Variants in VPS13B observed in about 807,000 individuals in gnomAD.
VPS13B encodes the protein vacuolar protein sorting 13 homolog B, also known as intermembrane lipid transfer protein VPS13B.
A neutral mutation model predicts 426.4 loss-of-function variants in VPS13B; 285 were observed. The observed-to-expected ratio is 0.67, with a 90% CI of 0.61 to 0.74. The LOEUF (loss-of-function observed/expected upper bound fraction) is 0.74, where lower values mean the gene tolerates loss of function less well. Ranked by LOEUF, VPS13B falls within the 30% of genes least tolerant of loss-of-function variation. The probability of loss-of-function intolerance (pLI) is 0.00; values close to 1 mark genes in which losing one functional copy is unlikely to be tolerated. For missense variants in VPS13B, 4,537 were observed against 4,782.6 expected (o/e 0.95, Z 1.51); for synonymous variants, 1,676 against 1,676.4 (o/e 1.00, Z 0.01).
chr8:99,696,728 A>C (rs1832020835), intron 35 of VPS13B: 1 of 994,758 alleles, frequency 1.0e-6, no homozygotes, highest in Non-Finnish European at 1.6e-6. Flanking sequence ...GTTTTCCCAG[A>C]AGATCCGGGG....
At chr8:99,192,391 A>G (rs549314393) in intron 16 of VPS13B, among the ~76,000 whole-genome samples, 1 of 152,310 alleles carries the variant, frequency 6.6e-6, no homozygotes, top group Admixed American at 6.5e-5. Context: ...TCCTCTTTTT[A>G]GTAGTATGAC....
intron 39 of VPS13B, among the ~76,000 whole-genome samples, chr8:99,761,955 A>G (rs1388069153): frequency 6.6e-6 from 1 of 152,150 alleles, no homozygotes; most frequent in Non-Finnish European, 1.5e-5. Flanking sequence ...ATATCATTAA[A>G]TTATTAATAT....
chr8:99,179,471 A>T (rs1812826594), intron 16 of VPS13B, among the ~76,000 whole-genome samples: 1 of 151,872 alleles, frequency 6.6e-6, no homozygotes, highest in Admixed American at 6.6e-5. Flanking sequence ...GCTTTTAAAA[A>T]TTTTCTCTCC....
intron 43 of VPS13B, among the ~76,000 whole-genome samples, chr8:99,808,385 G>C (rs1380449719): frequency 6.6e-6 from 1 of 151,606 alleles, no homozygotes; most frequent in East Asian, 1.9e-4. Flanking sequence ...AGTCGTGGTG[G>C]CACACCTGTA....
intron 35 of VPS13B, 132 bp downstream of exon 35, chr8:99,661,623 C>A: frequency 9.2e-7 from 1 of 1,088,592 alleles, no homozygotes; most frequent in South Asian, 1.5e-5. Flanking sequence ...GAGGTGTATG[C>A]TTTTCAGGCT....
rs778256097 is a variant in VPS13B, at chr8:99,821,399, G to C, written c.9100G>C (p.Gly3034Arg). The C allele has an allele frequency of 6.2e-7, 1 of 1,613,732 alleles. No homozygotes were observed. The highest frequency in any genetic ancestry group is 1.3e-5 in the African/African-American group (1 of 74,894). The stretch of plus-strand genomic sequence containing the variant: ...GACATCTCCAAAGTGGAAAGATGGA[G>C]GTAATGGTGAAGTTGTGACACTGGA... ...NLTSPKWKDGGNGEVVTLDEE... is the reference protein window; with the variant it reads ...NLTSPKWKDGRNGEVVTLDEE... Residue 3034 changes from glycine (G) to arginine (R), a missense_variant, in exon 50 of 62, where the codon GGT becomes CGT. By Grantham distance (125) the Gly-to-Arg change is moderately radical (BLOSUM62 -2). Transcript: ENST00000357162.
At chr8:99,461,423 T>C (rs980854944) in intron 23 of VPS13B, among the ~76,000 whole-genome samples, 1 of 152,186 alleles carries the variant, frequency 6.6e-6, no homozygotes, top group African/African-American at 2.4e-5. Context: ...ACATCTGAGC[T>C]TTTCTTCTTA....
chr8:99,830,013 C>G (rs1438550182), intron 51 of VPS13B, among the ~76,000 whole-genome samples: 1 of 152,216 alleles, frequency 6.6e-6, no homozygotes, highest in East Asian at 1.9e-4. Context: ...AGTTGGAGCT[C>G]TCCTGTATGA....
At chr8:99,257,232 A>G (rs144846298) in intron 17 of VPS13B, among the ~76,000 whole-genome samples, 1 of 152,308 alleles carries the variant, frequency 6.6e-6, no homozygotes, top group East Asian at 1.9e-4. Flanking sequence ...CCTAAACTTA[A>G]GTGAGAAACA....
At chr8:99,583,910 G>T (rs1342137219) in intron 33 of VPS13B, among the ~76,000 whole-genome samples, 1 of 152,110 alleles carries the variant, frequency 6.6e-6, no homozygotes, top group African/African-American at 2.4e-5. Flanking sequence ...GAAAAAGCCA[G>T]ATCAGAGGCT....
At position 99,467,512 on chromosome 8, in the gene VPS13B, A is replaced by T; in HGVS notation, c.3544A>T (p.Thr1182Ser). 6.2e-7 allele frequency: 1 copy of T among 1,613,430 alleles called. No individual in the cohort carries two copies. Among genetic ancestry groups the T allele is most frequent in the Non-Finnish European group, 8.5e-7 (1 of 1,179,730 alleles). ...TTGCCTAGTGGAACCTATGGGTTGC[A>T]CCTCCACTCTAGCTGTCACGTCTCA... ...TLCLVEPMGC[T>S]STLAVTSQKL... The change falls in exon 24 of 62, where the codon ACC becomes TCC. Residue 1182 changes from threonine to serine, a missense_variant. Physicochemically the swap from Thr to Ser is moderately conservative, Grantham distance 58. Coordinates refer to ENST00000357162, the MANE Select transcript of VPS13B (RefSeq NM_152564.5).
chr8:99,625,575 C>T (rs1382442082), intron 33 of VPS13B, among the ~76,000 whole-genome samples: 1 of 151,700 alleles, frequency 6.6e-6, no homozygotes, highest in African/African-American at 2.4e-5. Flanking sequence ...AAACAATAGA[C>T]CAGGCACAAT....
intron 23 of VPS13B, among the ~76,000 whole-genome samples, chr8:99,443,414 A>G (rs1454519444): frequency 6.6e-6 from 1 of 152,028 alleles, no homozygotes; most frequent in Non-Finnish European, 1.5e-5. Context: ...TTTGATGTTG[A>G]TTTCTCTCTC....
intron 51 of VPS13B, among the ~76,000 whole-genome samples, chr8:99,831,076 C>CTTTTTTTCTTTT (rs1815019411): frequency 8.3e-6 from 1 of 120,084 alleles, no homozygotes; most frequent in African/African-American, 3.2e-5. Context: ...GTGTTTTTTT[C>CTTTTTTTCTTTT]TTTTTTTTTT....
chr8:99,136,202 T>C (rs1810061519), intron 11 of VPS13B, among the ~76,000 whole-genome samples: 2 of 152,122 alleles, frequency 1.3e-5, no homozygotes, highest in Non-Finnish European at 2.9e-5. Context: ...TTTTACTCTT[T>C]TTTTATCAAG....
At chr8:99,783,136 C>T (rs1177268441) in intron 42 of VPS13B, among the ~76,000 whole-genome samples, 4 of 152,158 alleles carry the variant, frequency 2.6e-5, no homozygotes, top group Non-Finnish European at 4.4e-5. Context: ...CAAGTCTGGT[C>T]ATGGCCCAGG....
In VPS13B at chr8:99,458,496, T is replaced by C. The variant is rs569369625; in HGVS notation, c.3446-8918T>C. ...CTTGATCCCTGAGGAATCGCCACACTGACTTCCACAATGGTTGAACTAGTT... is the reference window on the plus strand; with the variant it reads ...CTTGATCCCTGAGGAATCGCCACACCGACTTCCACAATGGTTGAACTAGTT... On this transcript the variant is annotated intron_variant, in intron 23 of 61. Transcript: ENST00000357162. Among the ~76,000 whole-genome samples, 6 of 152,280 alleles carry C rather than the reference T, an allele frequency of 3.9e-5. 1 individual carries two copies. Among genetic ancestry groups the C allele is most frequent in the East Asian group, 3.9e-4 (2 of 5,180 alleles).
At chr8:99,596,680 C>T (rs1253752922) in intron 33 of VPS13B, among the ~76,000 whole-genome samples, 1 of 152,036 alleles carries the variant, frequency 6.6e-6, no homozygotes, top group Non-Finnish European at 1.5e-5. Flanking sequence ...CAGTTATGCT[C>T]ACATTCCATT....
At chr8:99,582,594 T>C (rs1826116915) in intron 33 of VPS13B, among the ~76,000 whole-genome samples, 1 of 152,218 alleles carries the variant, frequency 6.6e-6, no homozygotes, top group Non-Finnish European at 1.5e-5. Context: ...TGAATTAATG[T>C]AGTGTGATAA....
Sources: allele counts gnomAD v4.1 joint callset (sites outside exome capture counted in the v4.1 genomes callset), GRCh38; gene constraint gnomAD v4.1.1; transcripts MANE v1.5; gene names NCBI Gene and HGNC (gene_info 2026-07-23, HGNC 2026-07-21).